CRYZ: variants seen among roughly 807,000 people sequenced by gnomAD.
The protein encoded by CRYZ is zeta-crystallin.
Under a neutral mutation model 34.1 loss-of-function variants are expected in CRYZ, and 35 were observed. That is an observed-to-expected ratio of 1.03 (90% confidence interval 0.78 to 1.36). The LOEUF (loss-of-function observed/expected upper bound fraction) is 1.36, where lower values mean the gene tolerates loss of function less well. Ranked by LOEUF, CRYZ falls within the 40% of genes most tolerant of loss-of-function variation. The pLI, the probability that CRYZ is intolerant of heterozygous loss-of-function variation, is 0.00. For missense variants in CRYZ, 403 were observed against 391.8 expected (o/e 1.03, Z -0.24); for synonymous variants, 137 against 136.5 (o/e 1.00, Z -0.03).
At position 74,710,058 on chromosome 1, in the gene CRYZ, G is replaced by A. The variant is rs769205964; in HGVS notation, c.630+40C>T. The A allele has an allele frequency of 1.9e-6, 3 of 1,578,264 alleles. No homozygotes were observed. The Admixed American group carries it at 5.1e-5, about 27-fold the overall frequency. On this transcript the variant is annotated intron_variant, in intron 6 of 8. Coordinates refer to ENST00000340866, the MANE Select transcript of CRYZ (RefSeq NM_001889.4). ...TTAAAAAACCACGCAAGTCTCCAAGGAACAAAGTTTGACTTTTGTAAAACA... is the reference window on the plus strand; with the variant it reads ...TTAAAAAACCACGCAAGTCTCCAAGAAACAAAGTTTGACTTTTGTAAAACA...
intron 3 of CRYZ, among the ~76,000 whole-genome samples, chr1:74,722,061 T>C (rs1647172861): frequency 6.6e-6 from 1 of 152,106 alleles, no homozygotes; most frequent in Non-Finnish European, 1.5e-5. Context: ...TAACATGTGA[T>C]AATGGCAACA....
At chr1:74,720,166 G>A (rs1647138874) in intron 3 of CRYZ, among the ~76,000 whole-genome samples, 1 of 151,954 alleles carries the variant, frequency 6.6e-6, no homozygotes, top group South Asian at 2.1e-4. Flanking sequence ...AAATGCTAGG[G>A]AGAAGAAACA....
chr1:74,707,426 C>T (rs1397472229), intron 6 of CRYZ: 4 of 335,150 alleles, frequency 1.2e-5, no homozygotes, highest in Non-Finnish European at 2.1e-5. Context: ...GTACTAAATA[C>T]ATTGCTGTAG....
chr1:74,720,088 A>T (rs1018822503), intron 3 of CRYZ, among the ~76,000 whole-genome samples: 15 of 152,100 alleles, frequency 9.9e-5, no homozygotes, highest in Admixed American at 7.2e-4. Context: ...GGAACAAAGA[A>T]GTTCAATAAT....
At position 74,723,254 on chromosome 1, in the gene CRYZ, T is replaced by C. The variant is rs754945572; in HGVS notation, c.128A>G (p.His43Arg). ...PKDHQVLIKV[H>R]ACGVNPVETY... The stretch of plus-strand genomic sequence containing the variant: ...CTCCACGGGGTTGACACCACATGCA[T>C]GGACCTTGATTAGAACCTGCAATGA... Residue 43 changes from histidine to arginine, a missense_variant, in exon 3 of 9, where the codon CAT (histidine) becomes CGT (arginine). By Grantham distance (29) the His-to-Arg change is conservative (BLOSUM62 0). Transcript: ENST00000340866. 4 of 1,607,972 alleles carry C rather than the reference T, an allele frequency of 2.5e-6. No individual in the cohort carries two copies. Among genetic ancestry groups the C allele is most frequent in the African/African-American group, 1.3e-5 (1 of 74,666 alleles).
chr1:74,707,395 C>CATCT, intron 6 of CRYZ, 191 bp from the exon 7 acceptor site: 1 of 421,904 alleles, frequency 2.4e-6, no homozygotes. Context: ...CCAGCCAGAA[C>CATCT]ATCTAAACTG....
At chr1:74,726,729 T>A (rs944842519) in intron 1 of CRYZ, among the ~76,000 whole-genome samples, 1 of 152,210 alleles carries the variant, frequency 6.6e-6, no homozygotes, top group African/African-American at 2.4e-5. Context: ...TTTTCTGAAA[T>A]TTTATGCTCT....
Position 74,706,312 on chromosome 1 carries a change from A to G in CRYZ, c.974T>C (p.Met325Thr). ...IIHGSGATGK[M>T]ILLL ...AATTAATCATCATAAGAGAAGAATC[A>G]TTTTTCCAGTAGCCCCACTACCATG... is the stretch of plus-strand genomic sequence containing the variant. The change falls in exon 9 of 9, where the codon ATG becomes ACG. Residue 325 changes from methionine (M) to threonine (T), a missense_variant. Transcript: ENST00000340866. The G allele has an allele frequency of 6.2e-7, 1 of 1,604,376 alleles. No homozygotes were observed. The highest frequency in any genetic ancestry group is 1.7e-4 in the Middle Eastern group (1 of 6,012).
At chr1:74,732,602 G>A (rs1237340359) in intron 1 of CRYZ, among the ~76,000 whole-genome samples, 2 of 8,372 alleles carry the variant, frequency 2.4e-4, no homozygotes, top group African/African-American at 5.3e-4. Context: ...ACTGGCGGGG[G>A]GGGGGGGGGG....
chr1:74,725,733 G>A (rs1298200485), intron 1 of CRYZ, among the ~76,000 whole-genome samples: 1 of 152,126 alleles, frequency 6.6e-6, no homozygotes, highest in African/African-American at 2.4e-5. Context: ...TCTAATTGGA[G>A]ACAAGGCAAC....
Position 74,724,712 on chromosome 1 carries a change from T to G in CRYZ, c.110A>C (p.Gln37Pro). The change falls in exon 2 of 9, where the codon CAG (glutamine) becomes CCG (proline). Residue 37 changes from glutamine to proline, a missense_variant and splice_region_variant. Gln to Pro is a moderately conservative substitution (Grantham distance 76, BLOSUM62 -1). Transcript: ENST00000340866. ...TCAATAAAGTAATTTTATTTCTACC[T>G]GATGGTCTTTTGGAATCGGTACTGC... ...DIAVPIPKDH[Q>P]VLIKVHACGV... 1 of 1,591,418 alleles carries G rather than the reference T, an allele frequency of 6.3e-7. No individual in the cohort carries two copies. The highest frequency in any genetic ancestry group is 8.6e-7 in the Non-Finnish European group (1 of 1,162,692).
intron 5 of CRYZ, among the ~76,000 whole-genome samples, chr1:74,711,431 A>T (rs1398409929): frequency 6.6e-6 from 1 of 152,204 alleles, no homozygotes; most frequent in Non-Finnish European, 1.5e-5. Flanking sequence ...GAAAAAATAA[A>T]CAAATTCAGA....
intron 5 of CRYZ, among the ~76,000 whole-genome samples, chr1:74,713,924 C>T (rs560473149): frequency 2.0e-5 from 3 of 152,254 alleles, no homozygotes; most frequent in South Asian, 4.1e-4. Context: ...TCCTGAGAGG[C>T]AGATTGGCAG....
At chr1:74,728,219 A>G (rs1254268009) in intron 1 of CRYZ, among the ~76,000 whole-genome samples, 1 of 152,244 alleles carries the variant, frequency 6.6e-6, no homozygotes, top group Non-Finnish European at 1.5e-5. Flanking sequence ...AAACATCAAA[A>G]AACTAAAAAC....
intron 4 of CRYZ, among the ~76,000 whole-genome samples, chr1:74,715,181 G>C (rs1271002424): frequency 6.6e-6 from 1 of 152,210 alleles, no homozygotes; most frequent in African/African-American, 2.4e-5. Flanking sequence ...GCAAAGGTCA[G>C]AGAGTAGGAA....
rs756648402 is a variant in CRYZ at position 74,724,843 on chromosome 1, G to GA, written c.-13-10dup. ...CCATGGTGATCTAGATACTAAGGAA[G>GA]AAAAAAAATTAATGTATTGTCACAT... On this transcript the variant is annotated splice_polypyrimidine_tract_variant and intron_variant, in intron 1 of 8. Coordinates refer to ENST00000340866, the MANE Select transcript of CRYZ (RefSeq NM_001889.4). 4.7e-6 allele frequency: 7 copies of GA among 1,478,320 alleles called. No homozygotes were observed. Among genetic ancestry groups the GA allele is most frequent in the South Asian group, 1.2e-5 (1 of 85,378 alleles). 91.6% of individuals were successfully genotyped at this position (1,478,320 alleles called of 1,614,324 possible).
At chr1:74,721,219 T>C (rs1647157878) in intron 3 of CRYZ, among the ~76,000 whole-genome samples, 1 of 152,184 alleles carries the variant, frequency 6.6e-6, no homozygotes, top group African/African-American at 2.4e-5. Context: ...AGCTAAAGTG[T>C]AAAATCCTTT....
At chr1:74,718,990 T>A (rs1243065618) in intron 4 of CRYZ, among the ~76,000 whole-genome samples, 1 of 152,174 alleles carries the variant, frequency 6.6e-6, no homozygotes, top group African/African-American at 2.4e-5. Flanking sequence ...TTTCCCTTAC[T>A]AGACTGTGAG....
chr1:74,709,762 T>A (rs182756617), intron 6 of CRYZ, among the ~76,000 whole-genome samples: 1 of 152,162 alleles, frequency 6.6e-6, no homozygotes, highest in Admixed American at 6.6e-5. Flanking sequence ...TTCACATCAG[T>A]AGAAATTATA....
Sources: gnomAD v4.1 joint callset for allele counts (sites outside exome capture counted in the v4.1 genomes callset) on GRCh38, gnomAD v4.1.1 for gene constraint, MANE v1.5 for transcripts, NCBI Gene and HGNC (gene_info 2026-07-23, HGNC 2026-07-21) for gene names.